LARP4: variants seen among roughly 807,000 people sequenced by gnomAD.
LARP4 encodes la-related protein 4.
Under a neutral mutation model 92.9 loss-of-function variants are expected in LARP4, and 29 were observed. The ratio of observed to expected loss-of-function variants is 0.31; its 90% CI spans 0.23 to 0.43. LARP4 has a LOEUF of 0.43. Ranked by LOEUF, LARP4 falls within the 20% of genes least tolerant of loss-of-function variation. LARP4 has a pLI of 1.00. For missense variants in LARP4, 732 were observed against 860.0 expected (o/e 0.85, Z 1.86); for synonymous variants, 279 against 284.1 (o/e 0.98, Z 0.18).
At chr12:50,461,108 G>T (rs114366249) in intron 10 of LARP4, 27 bp from the exon 11 acceptor site, 6 of 1,565,204 alleles carry the variant, frequency 3.8e-6, no homozygotes, top group Non-Finnish European at 5.3e-6. Flanking sequence ...TTACTGCTTT[G>T]TGTATATCAT....
At chr12:50,470,619 A>G (rs929905515) in intron 13 of LARP4, among the ~76,000 whole-genome samples, 3 of 152,132 alleles carry the variant, frequency 2.0e-5, no homozygotes, top group African/African-American at 7.2e-5. Flanking sequence ...TTTTTAGTAG[A>G]GATGGGGTTT....
At chr12:50,462,529 C>T (rs1380632482) in intron 11 of LARP4, 53 bp from the exon 12 acceptor site, 6 of 976,744 alleles carry the variant, frequency 6.1e-6, no homozygotes, top group Middle Eastern at 2.1e-4. Flanking sequence ...TCTGAAGAAA[C>T]TTATGACTTG....
chr12:50,456,550 A>G (rs143243849), intron 10 of LARP4, among the ~76,000 whole-genome samples: 20 of 152,294 alleles, frequency 1.3e-4, no homozygotes, highest in African/African-American at 4.8e-4. Flanking sequence ...AGCCTTTTGC[A>G]ATTTTTATAT....
chr12:50,447,683 T>C (rs1952436521), intron 8 of LARP4, among the ~76,000 whole-genome samples: 1 of 152,092 alleles, frequency 6.6e-6, no homozygotes, highest in Admixed American at 6.6e-5. Flanking sequence ...GCTCAAGGGA[T>C]CCTTCTGCCT....
rs1331125954 is a variant in LARP4 at position 50,410,371 on chromosome 12, C to T, written c.18+9343C>T. On this transcript the variant is annotated intron_variant, in intron 1 of 15. Transcript: ENST00000398473. ...TACAGGTGTGAGGAGCCACAACACC[C>T]AGTCTGTTAGACGTCTATTAATACA... is the stretch of plus-strand genomic sequence containing the variant. Among the ~76,000 whole-genome samples, 4 of 151,806 alleles carry T rather than the reference C, an allele frequency of 2.6e-5. No individual in the cohort carries two copies. The East Asian group carries it at 7.8e-4, about 30-fold the overall frequency.
At chr12:50,404,751 G>T (rs1035777106) in intron 1 of LARP4, among the ~76,000 whole-genome samples, 2 of 138,834 alleles carry the variant, frequency 1.4e-5, no homozygotes, top group South Asian at 5.0e-4. Context: ...GTGCAGTGGC[G>T]CCATCTCGGC....
At chr12:50,450,050 C>G (rs549782249) in intron 8 of LARP4, among the ~76,000 whole-genome samples, 2 of 150,250 alleles carry the variant, frequency 1.3e-5, no homozygotes, top group South Asian at 4.2e-4. Context: ...TCCCCTGCCT[C>G]AGCCTCCCAA....
intron 1 of LARP4, chr12:50,416,197 T>C (rs1322616589): frequency 6.6e-6 from 1 of 152,258 alleles, no homozygotes; most frequent in African/African-American, 2.4e-5. Context: ...AGAGTGGCTT[T>C]GGTGCTGGCA....
chr12:50,408,524 A>G (rs915351868), intron 1 of LARP4, among the ~76,000 whole-genome samples: 16 of 151,670 alleles, frequency 1.1e-4, no homozygotes, highest in African/African-American at 3.4e-4. Context: ...CAGGGTAGAA[A>G]AGTCTGCAGT....
At chr12:50,450,052 G>C (rs1045704045) in intron 8 of LARP4, among the ~76,000 whole-genome samples, 1 of 145,014 alleles carries the variant, frequency 6.9e-6, no homozygotes, top group African/African-American at 2.6e-5. Context: ...CCCTGCCTCA[G>C]CCTCCCAAGT....
chr12:50,440,548 A>G lies in LARP4; in HGVS notation c.749A>G (p.Gln250Arg), dbSNP rs1951050343. ...ITFQSDTDAQ[Q>R]AFKYLREEVK... ...TTCCAGTCAGACACAGATGCACAACAGGTAAGAAGAAAACATTTTCTGATA... is the reference window on the plus strand; with the variant it reads ...TTCCAGTCAGACACAGATGCACAACGGGTAAGAAGAAAACATTTTCTGATA... The change falls in exon 7 of 16, where the codon CAG (glutamine) becomes CGG (arginine). Residue 250 changes from glutamine to arginine, a missense_variant and splice_region_variant. Around this residue, in one of 7 missense-constraint regions of LARP4, gnomAD observed 236 missense variants for 307.6 expected, o/e 0.77. Transcript: ENST00000398473. 1.3e-6 allele frequency: 2 copies of G among 1,597,904 alleles called. No individual in the cohort carries two copies. The highest frequency in any genetic ancestry group is 2.7e-5 in the African/African-American group (2 of 74,626).
chr12:50,423,899 C>T (rs1210677509), intron 1 of LARP4, among the ~76,000 whole-genome samples: 1 of 151,740 alleles, frequency 6.6e-6, no homozygotes, highest in Non-Finnish European at 1.5e-5. Flanking sequence ...GGATTACAGG[C>T]GCCCGCCACC....
At chr12:50,420,976 G>A (rs577750284) in intron 1 of LARP4, 2 of 102,838 alleles carry the variant, frequency 1.9e-5, no homozygotes, top group East Asian at 3.9e-4. Flanking sequence ...GAGAGATGAA[G>A]TCTCGCTGTG....
intron 1 of LARP4, among the ~76,000 whole-genome samples, chr12:50,425,652 G>A (rs940619442): frequency 1.3e-5 from 2 of 152,068 alleles, no homozygotes; most frequent in Non-Finnish European, 2.9e-5. Context: ...TACGGCATCC[G>A]TGCCAAAGCT....
rs1482300633 is a variant in LARP4, at chr12:50,476,091, T to TAC, written c.*235_*236dup. Reference sequence around the variant, plus strand: ...ATCAATATAAATATATATATATATATACACACACATATATAAAAAGTATAA... The same window carrying TAC: ...ATCAATATAAATATATATATATATATACACACACACATATATAAAAAGTATAA... On this transcript the variant is annotated 3_prime_UTR_variant, in exon 16 of 16. Transcript: ENST00000398473. The TAC allele has an allele frequency of 2.3e-4, 49 of 214,094 alleles. No homozygotes were observed. Among genetic ancestry groups the TAC allele is most frequent in the African/African-American group, 9.9e-4 (43 of 43,362 alleles). 13.3% of individuals were successfully genotyped at this position (214,094 alleles called of 1,614,324 possible). A position where few individuals can be genotyped will look rare whatever the true frequency, so the allele number is the denominator to read the frequency against.
At position 50,461,246 on chromosome 12, in the gene LARP4, A is replaced by G. The variant is rs1424411868; in HGVS notation, c.1233A>G (p.Glu411=). The G allele has an allele frequency of 6.2e-7, 1 of 1,614,010 alleles. No individual in the cohort carries two copies. Among genetic ancestry groups the G allele is most frequent in the Non-Finnish European group, 8.5e-7 (1 of 1,180,038 alleles). ...NRYSSRNFPA[E]RHNPTVTGHQ... is the part of the protein sequence containing the mutation. ...ATAGTTCAAGAAACTTTCCAGCTGA[A>G]CGGCATAACCCCACAGTAACTGGGC... Residue 411 remains glutamate (E), a synonymous_variant, in exon 11 of 16, where the codon GAA becomes GAG. Transcript: ENST00000398473.
At chr12:50,402,270 C>G in intron 1 of LARP4, among the ~76,000 whole-genome samples, 1 of 152,112 alleles carries the variant, frequency 6.6e-6, no homozygotes, top group South Asian at 2.1e-4. Flanking sequence ...TTTTAAAAGA[C>G]TGCTACATTA....
At chr12:50,468,543 C>G (rs779237339) in intron 13 of LARP4, among the ~76,000 whole-genome samples, 9 of 152,026 alleles carry the variant, frequency 5.9e-5, no homozygotes, top group African/African-American at 1.2e-4. Flanking sequence ...GTGATCCGCC[C>G]GTCTCGGCCT....
chr12:50,437,412 A>T (rs778774363), intron 5 of LARP4, among the ~76,000 whole-genome samples: 9 of 151,652 alleles, frequency 5.9e-5, no homozygotes, highest in Non-Finnish European at 7.4e-5. Context: ...TTATCTCCTC[A>T]ATGAAGAATT....
Sources: gnomAD v4.1 joint callset for allele counts (sites outside exome capture counted in the v4.1 genomes callset) on GRCh38, gnomAD v4.1.1 for gene constraint, gnomAD v4.1.1 regional missense constraint, MANE v1.5 for transcripts, NCBI Gene and HGNC (gene_info 2026-07-23, HGNC 2026-07-21) for gene names.